RUNDC3B: variants seen among roughly 807,000 people sequenced by gnomAD.
RUNDC3B encodes the protein RUN domain-containing protein 3B.
Under a neutral mutation model 58.4 loss-of-function variants are expected in RUNDC3B, and 33 were observed. That is an observed-to-expected ratio of 0.56 (90% confidence interval 0.43 to 0.75). The LOEUF is 0.75. Ranked by LOEUF, RUNDC3B falls within the 30% of genes least tolerant of loss-of-function variation. The pLI, the probability that RUNDC3B is intolerant of heterozygous loss-of-function variation, is 0.00. For missense variants in RUNDC3B, 501 were observed against 535.7 expected (o/e 0.94, Z 0.64); for synonymous variants, 193 against 195.2 (o/e 0.99, Z 0.10).
At chr7:87,655,859 CATG>C (rs1824049140) in intron 2 of RUNDC3B, among the ~76,000 whole-genome samples, 1 of 152,102 alleles carries the variant, frequency 6.6e-6, no homozygotes, top group Non-Finnish European at 1.5e-5. Context: ...GCAGAGCCCT[CATG>C]AGTGGATTAA....
In RUNDC3B at chr7:87,831,543, C is replaced by T. The variant is rs975077199; in HGVS notation, c.*1513C>T. 3 of 151,850 alleles carry T rather than the reference C, an allele frequency of 2.0e-5. No homozygotes were observed. The highest frequency in any genetic ancestry group is 4.1e-4 in the South Asian group (2 of 4,826). The allele number at this position is 151,850 out of a possible 1,614,324, so 9.4% of individuals were successfully genotyped here. On this transcript the variant is annotated 3_prime_UTR_variant, in exon 11 of 11. Coordinates refer to ENST00000394654, the MANE Select transcript of RUNDC3B (RefSeq NM_001134405.2). ...CCAGAACATATTCAGAGCTTTATTC[C>T]TTTAAGCTTAAGGCTTCAATACTTG...
At chr7:87,688,917 C>T (rs1361571655) in intron 2 of RUNDC3B, among the ~76,000 whole-genome samples, 1 of 151,766 alleles carries the variant, frequency 6.6e-6, no homozygotes, top group Non-Finnish European at 1.5e-5. Context: ...TATAACCAAA[C>T]TAGAATTTTC....
At chr7:87,822,823 G>A (rs948424671) in intron 10 of RUNDC3B, among the ~76,000 whole-genome samples, 13 of 152,210 alleles carry the variant, frequency 8.5e-5, no homozygotes, top group African/African-American at 3.1e-4. Flanking sequence ...TCACTCATAG[G>A]TGGGAATTGA....
intron 9 of RUNDC3B, among the ~76,000 whole-genome samples, chr7:87,812,639 T>C (rs1170269465): frequency 6.6e-6 from 1 of 152,172 alleles, no homozygotes; most frequent in Non-Finnish European, 1.5e-5. Context: ...AAATATTATA[T>C]TTAACAATGG....
At chr7:87,664,825 G>C (rs559235134) in intron 2 of RUNDC3B, among the ~76,000 whole-genome samples, 2 of 152,212 alleles carry the variant, frequency 1.3e-5, no homozygotes, top group South Asian at 4.1e-4. Flanking sequence ...CAAAATAATA[G>C]CTATAAGTTC....
At chr7:87,632,267 T>G (rs923187096) in intron 1 of RUNDC3B, among the ~76,000 whole-genome samples, 2 of 152,242 alleles carry the variant, frequency 1.3e-5, no homozygotes, top group African/African-American at 4.8e-5. Context: ...TGTTTAAAGC[T>G]TTATTCAAGT....
At chr7:87,804,942 G>T (rs1275866163) in intron 8 of RUNDC3B, among the ~76,000 whole-genome samples, 2 of 151,890 alleles carry the variant, frequency 1.3e-5, no homozygotes, top group African/African-American at 4.8e-5. Flanking sequence ...ATATTAACTG[G>T]GTATATTTCA....
At chr7:87,658,476 C>T (rs1824346688) in intron 2 of RUNDC3B, among the ~76,000 whole-genome samples, 1 of 152,124 alleles carries the variant, frequency 6.6e-6, no homozygotes. Flanking sequence ...TGAAAAAGTA[C>T]TCAACAGCTG....
intron 4 of RUNDC3B, among the ~76,000 whole-genome samples, chr7:87,725,724 C>T (rs1831188773): frequency 1.3e-5 from 2 of 152,152 alleles, no homozygotes; most frequent in Non-Finnish European, 2.9e-5. Context: ...AAAAGTGTTC[C>T]TATTTCTCCA....
At chr7:87,672,198 C>T (rs1825890903) in intron 2 of RUNDC3B, among the ~76,000 whole-genome samples, 1 of 152,160 alleles carries the variant, frequency 6.6e-6, no homozygotes, top group South Asian at 2.1e-4. Context: ...GCTAGAGGCC[C>T]CACTTGGGAG....
chr7:87,772,192 TTTAC>T (rs1834322129), intron 7 of RUNDC3B, among the ~76,000 whole-genome samples: 1 of 152,142 alleles, frequency 6.6e-6, no homozygotes, highest in African/African-American at 2.4e-5. Context: ...TTTAATATAA[TTTAC>T]TTAGTTGTAA....
rs897917650 is a variant in RUNDC3B at position 87,628,785 on chromosome 7, G to A, written c.-39G>A. The A allele has an allele frequency of 1.3e-5, 15 of 1,169,250 alleles. No individual in the cohort carries two copies. The African/African-American group carries it at 2.4e-4, about 19-fold the overall frequency. The allele number at this position is 1,169,250 out of a possible 1,614,324, so 72.4% of individuals were successfully genotyped here. ...TTAAGCAGGTGTGGGGGGCGTGCGG[G>A]GTGGCACGAGACAAAAGGGGCACGG... On this transcript the variant is annotated 5_prime_UTR_variant, in exon 1 of 11. Coordinates refer to ENST00000394654, the MANE Select transcript of RUNDC3B (RefSeq NM_001134405.2).
rs1196338408 is a variant in RUNDC3B, at chr7:87,830,004, A to C, written c.1345A>C (p.Thr449Pro). 3.1e-6 allele frequency: 5 copies of C among 1,607,782 alleles called. No individual in the cohort carries two copies. Among genetic ancestry groups the C allele is most frequent in the Non-Finnish European group, 4.2e-6 (5 of 1,177,044 alleles). Residue 449 changes from threonine (T) to proline (P), a missense_variant, in exon 11 of 11, where the codon ACA becomes CCA. Physicochemically the swap from Thr to Pro is conservative, Grantham distance 38. Transcript: ENST00000394654. Reference protein sequence around the residue: ...DYLASPTTEMTSPGLTPS With the variant: ...DYLASPTTEMPSPGLTPS ...CCTTGCAAGTCCTACAACAGAGATG[A>C]CAAGTCCAGGCCTAACTCCATCCTG...
intron 3 of RUNDC3B, among the ~76,000 whole-genome samples, chr7:87,703,885 C>CTTTTTTTTTTTTTTTTTTTTTTTTGT (rs1829311805): frequency 1.7e-5 from 1 of 60,282 alleles, no homozygotes; most frequent in African/African-American, 6.3e-5. Flanking sequence ...TCAGTTTTTT[C>CTTTTTTTTTTTTTTTTTTTTTTTTGT]TTTTTTTTTT....
chr7:87,814,325 C>T (rs1266059817), intron 9 of RUNDC3B, among the ~76,000 whole-genome samples: 1 of 151,850 alleles, frequency 6.6e-6, no homozygotes, highest in Non-Finnish European at 1.5e-5. Flanking sequence ...GTCTTGAACT[C>T]CCGACCTCAG....
chr7:87,686,570 A>G (rs542979134), intron 2 of RUNDC3B, among the ~76,000 whole-genome samples: 1 of 152,188 alleles, frequency 6.6e-6, no homozygotes, highest in Non-Finnish European at 1.5e-5. Context: ...ACAACGTTGT[A>G]AACTTCAGCT....
Position 87,700,423 on chromosome 7 carries a change from C to A in RUNDC3B, c.241C>A (p.Gln81Lys). The A allele has an allele frequency of 2.5e-6, 4 of 1,598,272 alleles. No individual in the cohort carries two copies. Among genetic ancestry groups the A allele is most frequent in the Non-Finnish European group, 3.4e-6 (4 of 1,174,926 alleles). Residue 81 changes from glutamine to lysine, a missense_variant and splice_region_variant, in exon 3 of 11, where the codon CAA becomes AAA. Coordinates refer to ENST00000394654, the MANE Select transcript of RUNDC3B (RefSeq NM_001134405.2). ...EQILSHRLKG[Q>K]VTWFGYESPR... ...ATATCGCAATTTGTCTCCTGAAGGTCAAGTAACCTGGTTTGGTTATGAAAG... is the reference window on the plus strand; with the variant it reads ...ATATCGCAATTTGTCTCCTGAAGGTAAAGTAACCTGGTTTGGTTATGAAAG...
At chr7:87,654,172 C>G (rs77049124) in intron 2 of RUNDC3B, among the ~76,000 whole-genome samples, 1 of 151,854 alleles carries the variant, frequency 6.6e-6, no homozygotes, top group South Asian at 2.1e-4. Flanking sequence ...ACATAATCTA[C>G]AGGTTCACTG....
At chr7:87,715,368 A>AATAATTATATATAATTAATTT in intron 4 of RUNDC3B, among the ~76,000 whole-genome samples, 1 of 117,670 alleles carries the variant, frequency 8.5e-6, no homozygotes. Context: ...ATTAATTTAT[A>AATAATTATATATAATTAATTT]ATAATTATAT....
Sources: allele counts gnomAD v4.1 joint callset (sites outside exome capture counted in the v4.1 genomes callset), GRCh38; gene constraint gnomAD v4.1.1; transcripts MANE v1.5; gene names NCBI Gene and HGNC (gene_info 2026-07-23, HGNC 2026-07-21).